TAFA2: variants seen among roughly 807,000 people sequenced by gnomAD.
TAFA2 encodes the protein TAFA chemokine like family member 2.
Under a neutral mutation model 18.8 loss-of-function variants are expected in TAFA2, and 7 were observed. That is an observed-to-expected ratio of 0.37 (90% CI 0.21 to 0.70). The LOEUF is 0.70. Among genes scored for constraint, TAFA2 ranks in the 30% least tolerant of loss-of-function variants. The probability of loss-of-function intolerance (pLI) is 0.53; values close to 1 mark genes in which losing one functional copy is unlikely to be tolerated. For synonymous variants in TAFA2, 60 were observed against 54.2 expected (o/e 1.11, Z -0.47); for missense variants, 122 against 158.1 (o/e 0.77, Z 1.23).
Position 61,708,497 on chromosome 12 carries a change from T to C in TAFA2, c.*1909A>G, listed in dbSNP as rs1869245775. 1 of 152,086 alleles carries C rather than the reference T, an allele frequency of 6.6e-6. No homozygotes were observed. The highest frequency in any genetic ancestry group is 1.5e-5 in the Non-Finnish European group (1 of 67,988). The allele number at this position is 152,086 out of a possible 1,614,324, so 9.4% of individuals were successfully genotyped here. On this transcript the variant is annotated 3_prime_UTR_variant, in exon 5 of 5. Transcript: ENST00000416284. ...AAATCTCAAACAAACCTAGGACAAATTCATAATTTCCAAAAAGTATAGTTT... is the reference window on the plus strand; with the variant it reads ...AAATCTCAAACAAACCTAGGACAAACTCATAATTTCCAAAAAGTATAGTTT...
chr12:61,772,936 A>C (rs1019724103), intron 2 of TAFA2, among the ~76,000 whole-genome samples: 6 of 151,816 alleles, frequency 4.0e-5, no homozygotes, highest in Non-Finnish European at 5.9e-5. Context: ...GTGTGCTGAT[A>C]ATATAATCAT....
intron 4 of TAFA2, among the ~76,000 whole-genome samples, chr12:61,748,837 G>A (rs1216445156): frequency 6.6e-6 from 1 of 151,996 alleles, no homozygotes; most frequent in Non-Finnish European, 1.5e-5. Flanking sequence ...AATAAACCTT[G>A]GTTAGAGAAA....
intron 2 of TAFA2, among the ~76,000 whole-genome samples, chr12:61,765,733 T>C (rs1284115754): frequency 1.3e-5 from 2 of 152,034 alleles, no homozygotes; most frequent in African/African-American, 4.8e-5. Context: ...TTATGGAGAG[T>C]AATAACATCT....
intron 1 of TAFA2, among the ~76,000 whole-genome samples, chr12:62,133,697 A>G (rs1870780591): frequency 6.6e-6 from 1 of 152,076 alleles, no homozygotes; most frequent in Admixed American, 6.6e-5. Flanking sequence ...ATAGAGCCCC[A>G]TGAAGGCAAG....
At chr12:62,000,366 C>A (rs1880340197) in intron 1 of TAFA2, among the ~76,000 whole-genome samples, 1 of 146,078 alleles carries the variant, frequency 6.8e-6, no homozygotes, top group Non-Finnish European at 1.5e-5. Context: ...TTGATACGGC[C>A]ATGGTAGCTG....
chr12:61,946,408 A>G (rs1195325467), intron 1 of TAFA2, among the ~76,000 whole-genome samples: 1 of 121,362 alleles, frequency 8.2e-6, no homozygotes, highest in African/African-American at 3.2e-5. Flanking sequence ...CAAGGACTTC[A>G]TGTCCAAAAC....
At chr12:61,797,298 C>G (rs1455343977) in intron 2 of TAFA2, among the ~76,000 whole-genome samples, 2 of 152,156 alleles carry the variant, frequency 1.3e-5, no homozygotes, top group Non-Finnish European at 2.9e-5. Flanking sequence ...CATCAGCTCA[C>G]TGCCAGCTAC....
intron 1 of TAFA2, among the ~76,000 whole-genome samples, chr12:61,887,469 A>G (rs2121288328): frequency 6.6e-6 from 1 of 151,810 alleles, no homozygotes; most frequent in South Asian, 2.1e-4. Context: ...GTTTTAGGGT[A>G]CATGTGCACA....
At chr12:62,014,489 G>T (rs117405958) in intron 1 of TAFA2, among the ~76,000 whole-genome samples, 2 of 151,980 alleles carry the variant, frequency 1.3e-5, no homozygotes, top group Non-Finnish European at 2.9e-5. Context: ...AAAATTAGCC[G>T]GGCATATTGG....
chr12:61,871,616 CTG>C (rs1874606567), intron 1 of TAFA2, among the ~76,000 whole-genome samples: 1 of 152,168 alleles, frequency 6.6e-6, no homozygotes, highest in African/African-American at 2.4e-5. Context: ...AAAGAGGAAA[CTG>C]AGAAATGGTA....
At chr12:61,847,022 C>T (rs1194642364) in intron 2 of TAFA2, among the ~76,000 whole-genome samples, 1 of 152,176 alleles carries the variant, frequency 6.6e-6, no homozygotes, top group East Asian at 1.9e-4. Flanking sequence ...CAACCAACTA[C>T]ACTTTCCTTC....
intron 1 of TAFA2, among the ~76,000 whole-genome samples, chr12:61,875,716 G>T (rs1172255487): frequency 3.9e-5 from 6 of 152,058 alleles, no homozygotes; most frequent in Non-Finnish European, 7.4e-5. Flanking sequence ...TTTGCCCTCT[G>T]CTCCTACAAA....
At chr12:62,093,098 T>G (rs1372637271) in intron 1 of TAFA2, among the ~76,000 whole-genome samples, 1 of 152,048 alleles carries the variant, frequency 6.6e-6, no homozygotes, top group African/African-American at 2.4e-5. Flanking sequence ...AACTTTATTA[T>G]TTTAGACTAT....
At chr12:62,235,036 A>C (rs2062830377) in intron 1 of TAFA2, 1 of 635,234 alleles carries the variant, frequency 1.6e-6, no homozygotes, top group Non-Finnish European at 3.0e-6. Flanking sequence ...CCAATATGAG[A>C]CATCACTGGA....
At chr12:62,113,178 CT>C (rs1392774469) in intron 1 of TAFA2, among the ~76,000 whole-genome samples, 1 of 152,054 alleles carries the variant, frequency 6.6e-6, no homozygotes, top group African/African-American at 2.4e-5. Context: ...TGTGGCTGTC[CT>C]TTTTGTTGAT....
At chr12:61,914,172 G>A (rs1234297134) in intron 1 of TAFA2, among the ~76,000 whole-genome samples, 1 of 152,126 alleles carries the variant, frequency 6.6e-6, no homozygotes, top group Non-Finnish European at 1.5e-5. Flanking sequence ...GAAGATCCAT[G>A]GGTAGAATTT....
chr12:61,829,861 T>C (rs1331634588), intron 2 of TAFA2, among the ~76,000 whole-genome samples: 2 of 151,728 alleles, frequency 1.3e-5, no homozygotes, highest in African/African-American at 4.8e-5. Context: ...AAAAGAAGCC[T>C]TAAGAGAAAA....
At chr12:62,114,445 G>A (rs1869872481) in intron 1 of TAFA2, among the ~76,000 whole-genome samples, 1 of 152,134 alleles carries the variant, frequency 6.6e-6, no homozygotes, top group Admixed American at 6.5e-5. Context: ...CGGCCATCTT[G>A]CCCAGGTCCC....
At chr12:62,002,686 T>C (rs1157161640) in intron 1 of TAFA2, among the ~76,000 whole-genome samples, 4 of 152,194 alleles carry the variant, frequency 2.6e-5, no homozygotes, top group African/African-American at 9.7e-5. Context: ...TCAATTCACA[T>C]AGAGATAGTC....
Sources: allele counts gnomAD v4.1 joint callset (sites outside exome capture counted in the v4.1 genomes callset), GRCh38; gene constraint gnomAD v4.1.1; transcripts MANE v1.5; gene names NCBI Gene and HGNC (gene_info 2026-07-23, HGNC 2026-07-21).